Variants in TPD52 observed in about 807,000 individuals in gnomAD.
TPD52 encodes the protein tumor protein D52.
A neutral mutation model predicts 31.3 loss-of-function variants in TPD52; 17 were observed. The ratio of observed to expected loss-of-function variants is 0.54; its 90% confidence interval spans 0.37 to 0.82. The LOEUF is 0.82. Among genes scored for constraint, TPD52 ranks in the 40% least tolerant of loss-of-function variants. The pLI is 0.00. For synonymous variants in TPD52, 83 were observed against 89.6 expected (o/e 0.93, Z 0.42); for missense variants, 212 against 240.1 (o/e 0.88, Z 0.77).
chr8:80,081,245 G>A (rs967661250), intron 1 of TPD52, among the ~76,000 whole-genome samples: 1 of 150,724 alleles, frequency 6.6e-6, no homozygotes, highest in Non-Finnish European at 1.5e-5. Flanking sequence ...GAAAGCTCCC[G>A]GGTATTCCCA....
At chr8:80,065,303 C>CTATATA (rs5892703) in intron 1 of TPD52, among the ~76,000 whole-genome samples, 22 of 147,206 alleles carry the variant, frequency 1.5e-4, no homozygotes, top group African/African-American at 5.2e-4. Context: ...ATCTATCTAT[C>CTATATA]TATATATATA....
intron 5 of TPD52, among the ~76,000 whole-genome samples, chr8:80,046,512 T>C (rs1810864795): frequency 6.6e-6 from 1 of 152,204 alleles, no homozygotes; most frequent in Non-Finnish European, 1.5e-5. Context: ...AAGCTTCAAC[T>C]TGCTCATCAT....
intron 1 of TPD52, among the ~76,000 whole-genome samples, chr8:80,115,676 C>T (rs1036292963): frequency 3.3e-4 from 51 of 152,322 alleles, no homozygotes; most frequent in African/African-American, 1.1e-3. Context: ...TGTGGCTAGT[C>T]CTACTTTTCT....
chr8:80,051,791 C>T (rs1811415176), intron 3 of TPD52, 163 bp from the exon 4 acceptor site: 1 of 587,028 alleles, frequency 1.7e-6, no homozygotes, highest in Non-Finnish European at 2.9e-6. Context: ...AGCGGCATCA[C>T]CACATCTTCG....
Position 80,058,893 on chromosome 8 carries a change from G to A in TPD52, c.136-5463C>T, listed in dbSNP as rs185196271. On this transcript the variant is annotated intron_variant, in intron 2 of 7. Coordinates refer to ENST00000518937, the MANE Select transcript of TPD52 (RefSeq NM_001025253.3). Reference sequence around the variant, plus strand: ...ATCCCCACCTTGTTTATAAAACTTTGGGCGAAAAAATGAGTAGTACAAACA... The same window carrying A: ...ATCCCCACCTTGTTTATAAAACTTTAGGCGAAAAAATGAGTAGTACAAACA... 2.6e-5 allele frequency among the ~76,000 whole-genome samples: 4 copies of A among 152,148 alleles called. No homozygotes were observed. In the East Asian group the frequency reaches 7.7e-4, roughly 29 times the overall value.
At chr8:80,108,485 T>C (rs972717508) in intron 1 of TPD52, among the ~76,000 whole-genome samples, 1 of 152,220 alleles carries the variant, frequency 6.6e-6, no homozygotes, top group Non-Finnish European at 1.5e-5. Flanking sequence ...TCTTAAGTCT[T>C]GTCATCCATA....
intron 5 of TPD52, among the ~76,000 whole-genome samples, chr8:80,046,811 T>C (rs942518526): frequency 2.6e-5 from 4 of 152,210 alleles, no homozygotes; most frequent in South Asian, 2.1e-4. Flanking sequence ...ACTCTTACTT[T>C]GAAAAAGTCA....
Position 80,154,193 on chromosome 8 carries a change from C to A in TPD52, c.19+17232G>T, listed in dbSNP as rs368423238. On this transcript the variant is annotated intron_variant, in intron 1 of 7. Coordinates refer to ENST00000518937, the MANE Select transcript of TPD52 (RefSeq NM_001025253.3). Reference sequence around the variant, plus strand: ...ATTATCATCAAAAGCTAAAGGGTGACTGCATGGGCAGGCAACTTGGTCAGG... The same window carrying A: ...ATTATCATCAAAAGCTAAAGGGTGAATGCATGGGCAGGCAACTTGGTCAGG... Among the ~76,000 whole-genome samples, 34 of 152,334 alleles carry A rather than the reference C, an allele frequency of 2.2e-4. No homozygotes were observed. In the South Asian group the frequency reaches 6.4e-3, roughly 29 times the overall value.
Position 80,037,972 on chromosome 8 carries a change from A to C in TPD52, c.*144T>G. Reference sequence around the variant, plus strand: ...GGTGAAGATATTTTCATTTTGTTTAACCCACAAACTATTTGGTCAAAGGAA... The same window carrying C: ...GGTGAAGATATTTTCATTTTGTTTACCCCACAAACTATTTGGTCAAAGGAA... On this transcript the variant is annotated 3_prime_UTR_variant, in exon 8 of 8. Transcript: ENST00000518937. The C allele has an allele frequency of 1.7e-6, 2 of 1,150,186 alleles. No homozygotes were observed. The highest frequency in any genetic ancestry group is 2.4e-6 in the Non-Finnish European group (2 of 821,436). The allele number at this position is 1,150,186 out of a possible 1,614,324, so 71.2% of individuals were successfully genotyped here.
intron 1 of TPD52, among the ~76,000 whole-genome samples, chr8:80,083,506 C>T (rs745324587): frequency 3.2e-4 from 49 of 151,200 alleles, no homozygotes; most frequent in Non-Finnish European, 4.1e-4. Context: ...AGTTCTCTGA[C>T]GGTTTTATTA....
intron 1 of TPD52, among the ~76,000 whole-genome samples, chr8:80,110,536 T>C (rs1253835586): frequency 2.0e-5 from 3 of 151,342 alleles, no homozygotes; most frequent in Non-Finnish European, 2.9e-5. Flanking sequence ...AACCTGCACA[T>C]TGTGCACATG....
At chr8:80,102,637 C>T (rs1806826208) in intron 1 of TPD52, among the ~76,000 whole-genome samples, 1 of 152,134 alleles carries the variant, frequency 6.6e-6, no homozygotes, top group Non-Finnish European at 1.5e-5. Flanking sequence ...GGTCTGTCCC[C>T]GTTTCCTGAC....
At chr8:80,157,758 G>A (rs529275673) in intron 1 of TPD52, among the ~76,000 whole-genome samples, 20 of 152,272 alleles carry the variant, frequency 1.3e-4, no homozygotes, top group Admixed American at 1.0e-3. Flanking sequence ...ACCACCCAGG[G>A]AAAGTATAAT....
intron 2 of TPD52, among the ~76,000 whole-genome samples, chr8:80,062,228 G>A (rs1812628377): frequency 6.6e-6 from 1 of 152,198 alleles, no homozygotes; most frequent in South Asian, 2.1e-4. Flanking sequence ...ATAGATGAAT[G>A]AATCTGAATC....
At chr8:80,060,821 C>T (rs1172182504) in intron 2 of TPD52, among the ~76,000 whole-genome samples, 2 of 149,600 alleles carry the variant, frequency 1.3e-5, no homozygotes, top group East Asian at 1.9e-4. Flanking sequence ...ACTTCCTCAA[C>T]GCAAGTGCAT....
At chr8:80,061,339 G>A (rs1234319227) in intron 2 of TPD52, among the ~76,000 whole-genome samples, 2 of 151,026 alleles carry the variant, frequency 1.3e-5, no homozygotes, top group African/African-American at 4.9e-5. Flanking sequence ...ATTCCAGCCT[G>A]GGCAACAAGA....
chr8:80,045,427 CA>C (rs1810745260), intron 5 of TPD52, among the ~76,000 whole-genome samples: 1 of 152,126 alleles, frequency 6.6e-6, no homozygotes, highest in Non-Finnish European at 1.5e-5. Flanking sequence ...CAGTGGCCTA[CA>C]AATTGTTTGG....
chr8:80,084,240 G>A (rs1279970358), intron 1 of TPD52, among the ~76,000 whole-genome samples: 2 of 152,124 alleles, frequency 1.3e-5, no homozygotes, highest in African/African-American at 4.8e-5. Context: ...TTCTCAGTGG[G>A]GAGAGAGGTC....
rs922228838 is a variant in TPD52, at chr8:80,052,779, T to C, written c.284+503A>G. ...GATTGACCTCTGCCAAGAGCATATA[T>C]CTGAGACTACGACCTGAGAATCTTT... On this transcript the variant is annotated intron_variant, in intron 3 of 7. Coordinates refer to ENST00000518937, the MANE Select transcript of TPD52 (RefSeq NM_001025253.3). 2.6e-5 allele frequency: 16 copies of C among 610,642 alleles called. No homozygotes were observed. In the Admixed American group the frequency reaches 5.1e-4, roughly 19 times the overall value. 37.8% of individuals were successfully genotyped at this position (610,642 alleles called of 1,614,324 possible). A position where few individuals can be genotyped will look rare whatever the true frequency, so the allele number is the denominator to read the frequency against.
Sources: gnomAD v4.1 joint callset for allele counts (sites outside exome capture counted in the v4.1 genomes callset) on GRCh38, gnomAD v4.1.1 for gene constraint, MANE v1.5 for transcripts, NCBI Gene and HGNC (gene_info 2026-07-23, HGNC 2026-07-21) for gene names.